The following KATNA1 variants were observed in gnomAD, a reference collection of about 807,000 sequenced individuals.
KATNA1 encodes the protein katanin catalytic subunit A1, also known as katanin p60 ATPase-containing subunit A1.
A neutral mutation model predicts 62.6 loss-of-function variants in KATNA1; 42 were observed. The observed-to-expected ratio is 0.67, with a 90% CI of 0.52 to 0.87. The LOEUF is 0.87. Ranked by LOEUF, KATNA1 falls within the 40% of genes least tolerant of loss-of-function variation. The pLI is 0.00. For synonymous variants in KATNA1, 186 were observed against 201.9 expected, an observed-to-expected ratio of 0.92 and a Z score of 0.67; for missense variants, 498 against 612.5, an observed-to-expected ratio of 0.81 and a Z score of 1.97.
intron 1 of KATNA1, among the ~76,000 whole-genome samples, chr6:149,640,539 T>G (rs538924190): frequency 6.6e-6 from 1 of 151,482 alleles, no homozygotes; most frequent in East Asian, 1.9e-4. Flanking sequence ...TTTTTTTGGG[T>G]TTTTTTGGGT....
At chr6:149,609,781 C>A (rs552622116) in intron 4 of KATNA1, among the ~76,000 whole-genome samples, 10 of 109,648 alleles carry the variant, frequency 9.1e-5, no homozygotes, top group Non-Finnish European at 1.8e-4. Flanking sequence ...TCAGCCTGGG[C>A]GACAGAGCTA....
At chr6:149,629,702 CTTTA>C (rs1779759511) in intron 3 of KATNA1, among the ~76,000 whole-genome samples, 1 of 151,808 alleles carries the variant, frequency 6.6e-6, no homozygotes, top group Non-Finnish European at 1.5e-5. Context: ...TTCAGTGCAA[CTTTA>C]TTTATAATAA....
At chr6:149,629,093 G>A (rs1480337433) in intron 3 of KATNA1, among the ~76,000 whole-genome samples, 1 of 151,948 alleles carries the variant, frequency 6.6e-6, no homozygotes, top group Non-Finnish European at 1.5e-5. Flanking sequence ...ACCCCTCAGA[G>A]GAAATCCTCC....
At chr6:149,648,123 G>C (rs959779339) in intron 1 of KATNA1, among the ~76,000 whole-genome samples, 3 of 152,140 alleles carry the variant, frequency 2.0e-5, no homozygotes, top group Non-Finnish European at 4.4e-5. Flanking sequence ...ATTTTTACCT[G>C]TGAGGGTTTC....
chr6:149,619,088 G>C (rs936136968), intron 4 of KATNA1, among the ~76,000 whole-genome samples: 1 of 152,028 alleles, frequency 6.6e-6, no homozygotes, highest in Non-Finnish European at 1.5e-5. Context: ...TCTGACAAGG[G>C]ATTAATATCC....
Position 149,598,281 on chromosome 6 carries a change from A to G in KATNA1, c.958T>C (p.Ser320Pro). 6.2e-7 allele frequency: 1 copy of G among 1,613,968 alleles called. No individual in the cohort carries two copies. The highest frequency in any genetic ancestry group is 8.5e-7 in the Non-Finnish European group (1 of 1,179,948). The change falls in exon 8 of 11, where the codon TCT becomes CCT. Residue 320 changes from serine (S) to proline (P), a missense_variant. Coordinates refer to ENST00000367411, the MANE Select transcript of KATNA1 (RefSeq NM_007044.4). ...IDSICSRRGT[S>P]EEHEASRRVK... ...CTTCTGCTTGCTTCATGTTCTTCAG[A>G]AGTCCCTCGGCGACTACAGATGGAG...
At chr6:149,597,243 C>A (rs1778359824) in intron 9 of KATNA1, 54 bp from the exon 10 acceptor site, 2 of 1,557,032 alleles carry the variant, frequency 1.3e-6, no homozygotes, top group Non-Finnish European at 1.7e-6. Context: ...ACATAGTATA[C>A]TATTGTCTCA....
rs749913542 is a variant in KATNA1, at chr6:149,623,203, A to G, written c.401T>C (p.Val134Ala). 2 of 1,613,734 alleles carry G rather than the reference A, an allele frequency of 1.2e-6. No homozygotes were observed. Among genetic ancestry groups the G allele is most frequent in the Admixed American group, 3.3e-5 (2 of 59,958 alleles). The change falls in exon 4 of 11, where the codon GTC becomes GCC. Residue 134 changes from valine (V) to alanine (A), a missense_variant. Around this residue, in one of 3 missense-constraint regions of KATNA1, gnomAD observed 203 missense variants for 198.4 expected, o/e 1.02. Coordinates refer to ENST00000367411, the MANE Select transcript of KATNA1 (RefSeq NM_007044.4). ...KSHGNRPSTT[V>A]RVHRSSAQNV... The stretch of plus-strand genomic sequence containing the variant: ...CTGTGCAGATGAACGGTGAACTCTG[A>G]CAGTTGTACTTGGACGATTACCATG...
chr6:149,640,499 C>T lies in KATNA1; in HGVS notation c.-13-1939G>A, dbSNP rs141621119. Among the ~76,000 whole-genome samples the T allele has an allele frequency of 4.6e-3, 692 of 152,010 alleles. 4 individuals carry two copies. Among genetic ancestry groups the T allele is most frequent in the African/African-American group, 0.016 (660 of 41,492 alleles). ...TAAAAAAAGACAAAAAAGCTCCAGG[C>T]CCAGATGATTTCTGTAAGTATGGTG... is the stretch of plus-strand genomic sequence containing the variant. On this transcript the variant is annotated intron_variant, in intron 1 of 10. Coordinates refer to ENST00000367411, the MANE Select transcript of KATNA1 (RefSeq NM_007044.4).
At chr6:149,631,786 C>T (rs1361335733) in intron 3 of KATNA1, among the ~76,000 whole-genome samples, 1 of 152,160 alleles carries the variant, frequency 6.6e-6, no homozygotes, top group Non-Finnish European at 1.5e-5. Flanking sequence ...CACCTGCACA[C>T]TTGTCAGTTG....
At position 149,623,239 on chromosome 6, in the gene KATNA1, T is replaced by A; in HGVS notation, c.365A>T (p.Asp122Val). ...TGGACGATTACCATGTGATTTAGGG[T>A]CACTGTACTGAGAAGATTGGCGTTT... ...PRKRQSSQYS[D>V]PKSHGNRPST... Residue 122 changes from aspartate (D) to valine (V), a missense_variant, in exon 4 of 11, where the codon GAC becomes GTC. Coordinates refer to ENST00000367411, the MANE Select transcript of KATNA1 (RefSeq NM_007044.4). 6.2e-7 allele frequency: 1 copy of A among 1,612,024 alleles called. No homozygotes were observed. The highest frequency in any genetic ancestry group is 8.5e-7 in the Non-Finnish European group (1 of 1,179,498).
chr6:149,608,366 A>G (rs764289434), intron 4 of KATNA1, among the ~76,000 whole-genome samples: 8 of 152,192 alleles, frequency 5.3e-5, no homozygotes, highest in Non-Finnish European at 1.2e-4. Flanking sequence ...TTGGGGCTGA[A>G]GAGCCGGCAA....
intron 4 of KATNA1, among the ~76,000 whole-genome samples, chr6:149,609,729 G>A (rs1176078756): frequency 4.8e-5 from 7 of 147,362 alleles, no homozygotes; most frequent in South Asian, 2.1e-4. Context: ...CTTGAACCCC[G>A]GAGGCACAAG....
rs181671795 is a variant in KATNA1 at position 149,641,090 on chromosome 6, G to A, written c.-13-2530C>T. Among the ~76,000 whole-genome samples the A allele has an allele frequency of 2.2e-3, 328 of 148,354 alleles. 1 individual carries two copies. Among genetic ancestry groups the A allele is most frequent in the African/African-American group, 7.7e-3 (307 of 40,116 alleles). On this transcript the variant is annotated intron_variant, in intron 1 of 10. Transcript: ENST00000367411. ...TCTCCATTTTGGTCACGCTGGTCTC[G>A]AACTCCCGATCTCGGGTGATCTGCC...
intron 7 of KATNA1, among the ~76,000 whole-genome samples, chr6:149,598,619 G>C (rs1200355889): frequency 6.6e-6 from 1 of 152,016 alleles, no homozygotes; most frequent in Non-Finnish European, 1.5e-5. Context: ...CTACTCAGGA[G>C]GCTAGGTGAG....
At chr6:149,602,710 G>A (rs1230967423) in intron 6 of KATNA1, among the ~76,000 whole-genome samples, 1 of 151,578 alleles carries the variant, frequency 6.6e-6, no homozygotes, top group Non-Finnish European at 1.5e-5. Flanking sequence ...TTCTAAATGG[G>A]GTGAATTCTA....
chr6:149,615,298 G>A (rs181396615), intron 4 of KATNA1, among the ~76,000 whole-genome samples: 94 of 150,688 alleles, frequency 6.2e-4, no homozygotes, highest in Middle Eastern at 3.4e-3. Flanking sequence ...TCTGCCTCCC[G>A]GGTTCAAGAG....
chr6:149,597,353 T>G (rs1338640741), intron 9 of KATNA1, 154 bp downstream of exon 9: 1 of 1,140,442 alleles, frequency 8.8e-7, no homozygotes, highest in African/African-American at 1.6e-5. Flanking sequence ...TTCCTTACTA[T>G]TTAGTATTAA....
intron 1 of KATNA1, among the ~76,000 whole-genome samples, chr6:149,643,203 C>T (rs1161820722): frequency 6.6e-6 from 1 of 152,188 alleles, no homozygotes; most frequent in Non-Finnish European, 1.5e-5. Flanking sequence ...GGAACTGAAT[C>T]CTGCCAACAA....
Sources: gnomAD v4.1 joint callset for allele counts (sites outside exome capture counted in the v4.1 genomes callset) on GRCh38, gnomAD v4.1.1 for gene constraint, gnomAD v4.1.1 regional missense constraint, MANE v1.5 for transcripts, NCBI Gene and HGNC (gene_info 2026-07-23, HGNC 2026-07-21) for gene names.